GTF2F2: variants seen among roughly 807,000 people sequenced by gnomAD.
GTF2F2 encodes ATP-dependent helicase GTF2F2.
In GTF2F2, 23 loss-of-function variants were observed where a neutral mutation model predicts 42.2. The ratio of observed to expected loss-of-function variants is 0.55; its 90% CI spans 0.39 to 0.77. GTF2F2 has a LOEUF of 0.77. GTF2F2 is among the 30% of genes least tolerant of loss of function. The pLI, the probability that GTF2F2 is intolerant of heterozygous loss-of-function variation, is 0.00. For synonymous variants in GTF2F2, 105 were observed against 100.8 expected (o/e 1.04, Z -0.25); for missense variants, 261 against 287.2 (o/e 0.91, Z 0.66).
intron 5 of GTF2F2, among the ~76,000 whole-genome samples, chr13:45,213,890 A>G (rs9526048): frequency 0.048 from 7,321 of 152,276 alleles, 250 homozygotes; most frequent in Middle Eastern, 0.13. Context: ...AGAAGGAGAA[A>G]GTGATTTCAA....
chr13:45,182,129 T>C (rs1872193107), intron 4 of GTF2F2, among the ~76,000 whole-genome samples: 1 of 152,134 alleles, frequency 6.6e-6, no homozygotes, highest in Non-Finnish European at 1.5e-5. Flanking sequence ...TTTAGTTTTT[T>C]AGACTACATT....
intron 5 of GTF2F2, among the ~76,000 whole-genome samples, chr13:45,215,022 C>T (rs1412798423): frequency 1.3e-5 from 2 of 152,112 alleles, no homozygotes; most frequent in Non-Finnish European, 2.9e-5. Context: ...AACACAGGTT[C>T]CCATATGATT....
intron 4 of GTF2F2, among the ~76,000 whole-genome samples, chr13:45,183,522 C>A (rs889229599): frequency 1.3e-5 from 2 of 152,136 alleles, no homozygotes; most frequent in African/African-American, 2.4e-5. Context: ...ATCCAGAAGT[C>A]ACTTTGCTTA....
chr13:45,219,166 T>TAA (rs35228986), intron 5 of GTF2F2, among the ~76,000 whole-genome samples: 23,018 of 150,184 alleles, frequency 0.15, 3,513 homozygotes, highest in African/African-American at 0.39. Context: ...TGACTATCCT[T>TAA]AAAAAAAAAA....
intron 6 of GTF2F2, among the ~76,000 whole-genome samples, chr13:45,261,422 T>G (rs1243326731): frequency 9.1e-6 from 1 of 110,030 alleles, no homozygotes; most frequent in Non-Finnish European, 1.7e-5. Flanking sequence ...CAAGACTCCA[T>G]CTCAAAAAAA....
rs57659029 is a variant in GTF2F2 at position 45,241,692 on chromosome 13, T to C, written c.387-11179T>C. ...TTAATGCATTTTATATCTATTCTCTTAAATGCTGAATCTAAATGTTAGCAT... is the reference window on the plus strand; with the variant it reads ...TTAATGCATTTTATATCTATTCTCTCAAATGCTGAATCTAAATGTTAGCAT... On this transcript the variant is annotated intron_variant, in intron 5 of 7. Coordinates refer to ENST00000340473, the MANE Select transcript of GTF2F2 (RefSeq NM_004128.3). 6.1e-3 allele frequency among the ~76,000 whole-genome samples: 930 copies of C among 152,364 alleles called. 4 individuals carry two copies. Among genetic ancestry groups the C allele is most frequent in the African/African-American group, 0.021 (874 of 41,590 alleles).
intron 4 of GTF2F2, among the ~76,000 whole-genome samples, chr13:45,154,004 T>G (rs1457523328): frequency 9.7e-5 from 14 of 144,468 alleles, no homozygotes; most frequent in South Asian, 2.2e-4. Context: ...AAAAAAAGAG[T>G]TAAAGAGTTT....
At chr13:45,156,647 A>G (rs913898028) in intron 4 of GTF2F2, among the ~76,000 whole-genome samples, 2 of 152,094 alleles carry the variant, frequency 1.3e-5, no homozygotes, top group African/African-American at 4.8e-5. Flanking sequence ...GGTTATTTTG[A>G]CAGCTTTTGG....
At chr13:45,218,311 C>A (rs1240817942) in intron 5 of GTF2F2, among the ~76,000 whole-genome samples, 2 of 152,186 alleles carry the variant, frequency 1.3e-5, no homozygotes, top group Non-Finnish European at 2.9e-5. Flanking sequence ...CACTGACTAG[C>A]CCATATGGCA....
At chr13:45,280,374 C>T (rs1395276297) in intron 7 of GTF2F2, among the ~76,000 whole-genome samples, 1 of 152,188 alleles carries the variant, frequency 6.6e-6, no homozygotes, top group African/African-American at 2.4e-5. Flanking sequence ...GAGATTTTCC[C>T]TTCAGAGACC....
intron 4 of GTF2F2, among the ~76,000 whole-genome samples, chr13:45,185,435 T>C (rs185940809): frequency 5.3e-5 from 8 of 151,688 alleles, no homozygotes; most frequent in South Asian, 2.1e-4. Context: ...TGTAAACTTA[T>C]ACATATTGTA....
At chr13:45,223,262 T>TAAAAAA (rs60690884) in intron 5 of GTF2F2, among the ~76,000 whole-genome samples, 29 of 96,272 alleles carry the variant, frequency 3.0e-4, no homozygotes, top group African/African-American at 7.0e-4. Context: ...CTTGTCTCAA[T>TAAAAAA]AAAAAAAAAA....
chr13:45,273,527 A>G (rs1431016183), intron 7 of GTF2F2, among the ~76,000 whole-genome samples: 1 of 152,186 alleles, frequency 6.6e-6, no homozygotes, highest in Non-Finnish European at 1.5e-5. Context: ...GTATTTATTT[A>G]TATAGAATTT....
chr13:45,127,492 A>ATT lies in GTF2F2; in HGVS notation c.66+6787_66+6788dup, dbSNP rs34519885. On this transcript the variant is annotated intron_variant, in intron 1 of 7. Coordinates refer to ENST00000340473, the MANE Select transcript of GTF2F2 (RefSeq NM_004128.3). The stretch of plus-strand genomic sequence containing the variant: ...AGGCATGTGTCACCACGCCCAACTA[A>ATT]TTTTTTTTTTTTTTTTTGTAGAGAC... Among the ~76,000 whole-genome samples, 903 of 137,462 alleles carry ATT rather than the reference A, an allele frequency of 6.6e-3. 14 individuals are homozygous for ATT. Among genetic ancestry groups the ATT allele is most frequent in the African/African-American group, 0.022 (814 of 36,690 alleles). 90.2% of individuals were successfully genotyped at this position (137,462 alleles called of 152,430 possible). A position where few individuals can be genotyped will look rare whatever the true frequency, so the allele number is the denominator to read the frequency against.
At chr13:45,198,007 C>T (rs1398914217) in intron 4 of GTF2F2, among the ~76,000 whole-genome samples, 1 of 152,200 alleles carries the variant, frequency 6.6e-6, no homozygotes, top group African/African-American at 2.4e-5. Flanking sequence ...GATTGGGGTC[C>T]TGTTTCCTAC....
At chr13:45,215,939 A>G (rs1294144784) in intron 5 of GTF2F2, among the ~76,000 whole-genome samples, 1 of 152,120 alleles carries the variant, frequency 6.6e-6, no homozygotes, top group East Asian at 1.9e-4. Flanking sequence ...AAATGGTTGT[A>G]AAAGCTCTTG....
chr13:45,237,516 T>C (rs997302644), intron 5 of GTF2F2, among the ~76,000 whole-genome samples: 1 of 152,188 alleles, frequency 6.6e-6, no homozygotes, highest in South Asian at 2.1e-4. Flanking sequence ...ACTGAATACA[T>C]ACTATGGGAC....
Position 45,246,911 on chromosome 13 carries a change from G to A in GTF2F2, c.387-5960G>A, listed in dbSNP as rs1003969045. ...AAATTAGCCTGGCGTGGTGGCGGGCGCCTGTAGTCCCAGCTACTTGGGAAG... is the reference window on the plus strand; with the variant it reads ...AAATTAGCCTGGCGTGGTGGCGGGCACCTGTAGTCCCAGCTACTTGGGAAG... On this transcript the variant is annotated intron_variant, in intron 5 of 7. Coordinates refer to ENST00000340473, the MANE Select transcript of GTF2F2 (RefSeq NM_004128.3). 3.4e-4 allele frequency among the ~76,000 whole-genome samples: 51 copies of A among 151,874 alleles called. 1 individual carries two copies. The South Asian group carries it at 4.0e-3, about 12-fold the overall frequency.
At chr13:45,215,757 GAA>G (rs377138794) in intron 5 of GTF2F2, among the ~76,000 whole-genome samples, 8 of 122,220 alleles carry the variant, frequency 6.5e-5, no homozygotes, top group Non-Finnish European at 7.1e-5. Context: ...GACTCTGTCT[GAA>G]AAAAAAAAAA....
Sources: gnomAD v4.1 joint callset for allele counts (sites outside exome capture counted in the v4.1 genomes callset) on GRCh38, gnomAD v4.1.1 for gene constraint, MANE v1.5 for transcripts, NCBI Gene and HGNC (gene_info 2026-07-23, HGNC 2026-07-21) for gene names.